KIAA1328: variants seen among roughly 807,000 people sequenced by gnomAD.
KIAA1328 encodes the protein KIAA1328, also known as protein hinderin.
KIAA1328 carries 52 observed loss-of-function variants against 68.1 expected under a neutral mutation model. The ratio of observed to expected loss-of-function variants is 0.76; its 90% CI spans 0.61 to 0.96. The LOEUF (loss-of-function observed/expected upper bound fraction) is 0.96. Among genes scored for constraint, KIAA1328 ranks in the 40% least tolerant of loss-of-function variants. The probability of loss-of-function intolerance (pLI) is 0.00; values close to 1 mark genes in which losing one functional copy is unlikely to be tolerated. For missense variants in KIAA1328, 641 were observed against 677.6 expected, an observed-to-expected ratio of 0.95 and a Z score of 0.60; for synonymous variants, 232 against 239.4, an observed-to-expected ratio of 0.97 and a Z score of 0.28.
At chr18:37,182,931 A>G (rs1164495271) in intron 9 of KIAA1328, among the ~76,000 whole-genome samples, 1 of 152,176 alleles carries the variant, frequency 6.6e-6, no homozygotes, top group Non-Finnish European at 1.5e-5. Flanking sequence ...AAAACAATAC[A>G]TGTGATATGA....
intron 7 of KIAA1328, among the ~76,000 whole-genome samples, chr18:37,135,836 TC>T (rs1199383774): frequency 6.6e-6 from 1 of 152,194 alleles, no homozygotes; most frequent in Non-Finnish European, 1.5e-5. Context: ...AAATATTTCT[TC>T]CATCCGTCTT....
At chr18:37,173,584 A>G (rs1184083604) in intron 9 of KIAA1328, among the ~76,000 whole-genome samples, 1 of 152,214 alleles carries the variant, frequency 6.6e-6, no homozygotes, top group Non-Finnish European at 1.5e-5. Context: ...CAACTCCCAC[A>G]TTATGCAATT....
At chr18:37,094,986 G>A (rs1165658753) in intron 7 of KIAA1328, among the ~76,000 whole-genome samples, 1 of 151,658 alleles carries the variant, frequency 6.6e-6, no homozygotes, top group East Asian at 1.9e-4. Context: ...GAAAAACAAG[G>A]TCATTAGATT....
chr18:36,915,001 A>G (rs972231724), intron 5 of KIAA1328, among the ~76,000 whole-genome samples: 1 of 152,210 alleles, frequency 6.6e-6, no homozygotes, highest in African/African-American at 2.4e-5. Flanking sequence ...TCCCAATCAA[A>G]ATCCTAGCAA....
chr18:37,138,948 C>CTTT (rs869053490), intron 7 of KIAA1328, among the ~76,000 whole-genome samples: 4,275 of 74,102 alleles, frequency 0.058, 695 homozygotes, highest in Non-Finnish European at 0.076. Context: ...AAATTTTGTT[C>CTTT]TTTTTTTTTT....
chr18:36,938,832 G>A (rs1453983162), intron 5 of KIAA1328, among the ~76,000 whole-genome samples: 4 of 152,088 alleles, frequency 2.6e-5, no homozygotes, highest in East Asian at 1.9e-4. Context: ...ACCATTTATC[G>A]AAGAGACTCT....
At chr18:36,891,797 G>T (rs1203160141) in intron 5 of KIAA1328, among the ~76,000 whole-genome samples, 1 of 152,086 alleles carries the variant, frequency 6.6e-6, no homozygotes, top group East Asian at 1.9e-4. Context: ...TTCATATAAT[G>T]GCTTGTTTTC....
At chr18:36,961,581 C>G (rs1272588278) in intron 6 of KIAA1328, among the ~76,000 whole-genome samples, 1 of 152,072 alleles carries the variant, frequency 6.6e-6, no homozygotes, top group Non-Finnish European at 1.5e-5. Context: ...GTCGGGTTAC[C>G]CACAAAGGGA....
Position 37,223,550 on chromosome 18 carries a change from C to G in KIAA1328, c.*1323C>G. 1 of 985,436 alleles carries G rather than the reference C, an allele frequency of 1.0e-6. No individual in the cohort carries two copies. Among genetic ancestry groups the G allele is most frequent in the Non-Finnish European group, 1.2e-6 (1 of 829,952 alleles). The allele number at this position is 985,436 out of a possible 1,614,324, so 61.0% of individuals were successfully genotyped here. A position where few individuals can be genotyped will look rare whatever the true frequency, so the allele number is the denominator to read the frequency against. Reference sequence around the variant, plus strand: ...GTATTACTTGGGAATTTTATTTGATCTGGAGGGTGTGGCTTTTTTTCTCTC... The same window carrying G: ...GTATTACTTGGGAATTTTATTTGATGTGGAGGGTGTGGCTTTTTTTCTCTC... On this transcript the variant is annotated 3_prime_UTR_variant, in exon 10 of 10. Transcript: ENST00000280020.
intron 6 of KIAA1328, among the ~76,000 whole-genome samples, chr18:36,979,209 GAAAGA>G (rs1399343929): frequency 3.5e-5 from 1 of 28,546 alleles, no homozygotes; most frequent in East Asian, 0.01. Flanking sequence ...AAAATAAAAA[GAAAGA>G]AGGTTATATG....
At chr18:37,095,351 T>G (rs1284565428) in intron 7 of KIAA1328, among the ~76,000 whole-genome samples, 2 of 152,140 alleles carry the variant, frequency 1.3e-5, no homozygotes, top group African/African-American at 4.8e-5. Flanking sequence ...AATCTCAGCA[T>G]CTAAAAATAT....
chr18:37,152,201 CAA>C (rs2154210269), intron 7 of KIAA1328, among the ~76,000 whole-genome samples: 1 of 151,284 alleles, frequency 6.6e-6, no homozygotes, highest in South Asian at 2.1e-4. Context: ...TAGTAGTTCT[CAA>C]AGAGGTAGTT....
chr18:37,013,444 G>C (rs1366605136), intron 6 of KIAA1328, among the ~76,000 whole-genome samples: 1 of 152,066 alleles, frequency 6.6e-6, no homozygotes, highest in African/African-American at 2.4e-5. Flanking sequence ...AAACGATCCT[G>C]TCACCCAGAT....
chr18:36,879,414 C>G (rs1441020709), intron 4 of KIAA1328, among the ~76,000 whole-genome samples: 1 of 152,152 alleles, frequency 6.6e-6, no homozygotes, highest in Non-Finnish European at 1.5e-5. Flanking sequence ...CAGAGGGGCA[C>G]CTGCCAGATG....
chr18:37,102,093 T>C (rs2057636175), intron 7 of KIAA1328, among the ~76,000 whole-genome samples: 1 of 152,136 alleles, frequency 6.6e-6, no homozygotes, highest in South Asian at 2.1e-4. Flanking sequence ...AATATACATG[T>C]AAAAATTCTT....
chr18:37,117,802 A>G (rs996695699), intron 7 of KIAA1328, among the ~76,000 whole-genome samples: 2 of 152,030 alleles, frequency 1.3e-5, no homozygotes, highest in Non-Finnish European at 2.9e-5. Context: ...GCTCAGATAT[A>G]AAGTTAACTT....
At chr18:37,104,022 T>C (rs193150088) in intron 7 of KIAA1328, among the ~76,000 whole-genome samples, 102 of 152,230 alleles carry the variant, frequency 6.7e-4, no homozygotes, top group Admixed American at 1.5e-3. Flanking sequence ...ACATAACAAA[T>C]GTTGGCAAGA....
chr18:37,222,000 G>A lies in KIAA1328; in HGVS notation c.1524-17G>A. On this transcript the variant is annotated splice_polypyrimidine_tract_variant and intron_variant, in intron 9 of 9. Coordinates refer to ENST00000280020, the MANE Select transcript of KIAA1328 (RefSeq NM_020776.3). The stretch of plus-strand genomic sequence containing the variant: ...TAATAATCTGATCCTTTCCTGTCTG[G>A]GTTATATGTCTTACAGGTATGAGAC... 6.2e-7 allele frequency: 1 copy of A among 1,609,416 alleles called. No individual in the cohort carries two copies.
intron 6 of KIAA1328, among the ~76,000 whole-genome samples, chr18:37,042,506 T>A (rs1376351707): frequency 1.3e-5 from 2 of 152,234 alleles, no homozygotes; most frequent in African/African-American, 4.8e-5. Context: ...AGGTTAGTTT[T>A]GCTGGATATA....
Sources: allele counts gnomAD v4.1 joint callset (sites outside exome capture counted in the v4.1 genomes callset), GRCh38; gene constraint gnomAD v4.1.1; transcripts MANE v1.5; gene names NCBI Gene and HGNC (gene_info 2026-07-23, HGNC 2026-07-21).